The following ATP8A1 variants were observed in gnomAD, a reference collection of about 807,000 sequenced individuals.
ATP8A1 encodes ATPase phospholipid transporting 8A1, also known as phospholipid-transporting ATPase IA.
ATP8A1 carries 90 observed loss-of-function variants against 177.7 expected under a neutral mutation model. The observed-to-expected ratio is 0.51, with a 90% confidence interval of 0.43 to 0.60. The LOEUF is 0.60. Among genes scored for constraint, ATP8A1 ranks in the 20% least tolerant of loss-of-function variants. The probability of loss-of-function intolerance (pLI) is 0.00; values close to 1 mark genes in which losing one functional copy is unlikely to be tolerated. For missense variants in ATP8A1, 1,072 were observed against 1,392.8 expected (o/e 0.77, Z 3.67); for synonymous variants, 493 against 485.9 (o/e 1.01, Z -0.19).
intron 16 of ATP8A1, among the ~76,000 whole-genome samples, chr4:42,553,666 A>C (rs1312204427): frequency 1.3e-5 from 2 of 152,206 alleles, no homozygotes; most frequent in African/African-American, 4.8e-5. Flanking sequence ...ATATATCAGA[A>C]CATTATTTGA....
chr4:42,541,783 T>C (rs140953495), intron 20 of ATP8A1, among the ~76,000 whole-genome samples: 207 of 152,264 alleles, frequency 1.4e-3, no homozygotes, highest in African/African-American at 4.7e-3. Context: ...CTATATACCA[T>C]ATCATTCTAA....
At chr4:42,416,164 C>T (rs1468096570) in intron 35 of ATP8A1, among the ~76,000 whole-genome samples, 2 of 152,176 alleles carry the variant, frequency 1.3e-5, no homozygotes, top group African/African-American at 4.8e-5. Flanking sequence ...GCATTACAGA[C>T]CCATGGACCC....
chr4:42,466,031 CAAAAAAAAAAAAAAAA>C (rs57949092), intron 25 of ATP8A1, among the ~76,000 whole-genome samples: 2 of 108,116 alleles, frequency 1.8e-5, no homozygotes. Flanking sequence ...GACTCCGTCT[CAAAAAAAAAAAAAAAA>C]AAAAAAAAAA....
intron 24 of ATP8A1, among the ~76,000 whole-genome samples, chr4:42,491,155 G>T (rs1722701050): frequency 6.6e-6 from 1 of 151,896 alleles, no homozygotes; most frequent in African/African-American, 2.4e-5. Flanking sequence ...ATCTACTTTG[G>T]CCTCAAATAT....
At chr4:42,641,107 T>G (rs1739938999) in intron 1 of ATP8A1, among the ~76,000 whole-genome samples, 2 of 151,792 alleles carry the variant, frequency 1.3e-5, no homozygotes, top group Admixed American at 1.3e-4. Context: ...GGGTGCAGAC[T>G]GCCTGGGTTC....
At position 42,449,170 on chromosome 4, in the gene ATP8A1, A is replaced by G. The variant is rs912604154; in HGVS notation, c.2897-2526T>C. 5.3e-5 allele frequency among the ~76,000 whole-genome samples: 8 copies of G among 152,336 alleles called. No individual in the cohort carries two copies. In the South Asian group the frequency reaches 1.4e-3, roughly 28 times the overall value. ...CTTTGAATGGATCTTTTACCCATGC[A>G]TGATTCTGCAGTCTCTGGTTCAATC... On this transcript the variant is annotated intron_variant, in intron 30 of 36. Coordinates refer to ENST00000381668, the MANE Select transcript of ATP8A1 (RefSeq NM_006095.2).
At chr4:42,493,420 C>T (rs1722928033) in intron 24 of ATP8A1, among the ~76,000 whole-genome samples, 1 of 152,168 alleles carries the variant, frequency 6.6e-6, no homozygotes, top group Non-Finnish European at 1.5e-5. Context: ...GTTTCAACCA[C>T]TTACTTAAGA....
chr4:42,466,630 C>A (rs1263690337), intron 25 of ATP8A1, among the ~76,000 whole-genome samples: 1 of 152,204 alleles, frequency 6.6e-6, no homozygotes, highest in African/African-American at 2.4e-5. Context: ...TACGAAAAAA[C>A]CATTTTTAAT....
chr4:42,515,829 C>T (rs928394028), intron 22 of ATP8A1, among the ~76,000 whole-genome samples: 1 of 152,178 alleles, frequency 6.6e-6, no homozygotes, highest in African/African-American at 2.4e-5. Flanking sequence ...TCTTTCCAAC[C>T]CATGATTTTC....
At chr4:42,581,174 C>T (rs960682624) in intron 10 of ATP8A1, among the ~76,000 whole-genome samples, 3 of 151,916 alleles carry the variant, frequency 2.0e-5, no homozygotes, top group Non-Finnish European at 2.9e-5. Context: ...TGCTCTGTTG[C>T]CCAGGCTGGA....
chr4:42,627,480 C>A (rs1738232281), intron 1 of ATP8A1, among the ~76,000 whole-genome samples: 1 of 152,144 alleles, frequency 6.6e-6, no homozygotes, highest in Admixed American at 6.5e-5. Context: ...AAAATATAGT[C>A]AAAAATTAAA....
intron 1 of ATP8A1, among the ~76,000 whole-genome samples, chr4:42,640,829 T>C (rs1739901203): frequency 6.6e-6 from 1 of 152,080 alleles, no homozygotes; most frequent in African/African-American, 2.4e-5. Flanking sequence ...ATGGAGCACC[T>C]GACCAGCCAG....
At chr4:42,430,603 A>G (rs917875139) in intron 33 of ATP8A1, among the ~76,000 whole-genome samples, 4 of 150,724 alleles carry the variant, frequency 2.7e-5, no homozygotes, top group Non-Finnish European at 4.4e-5. Flanking sequence ...GAGCTTAGAT[A>G]TTTTCCCTGA....
intron 19 of ATP8A1, among the ~76,000 whole-genome samples, chr4:42,544,606 C>T (rs1487863670): frequency 6.6e-6 from 1 of 152,160 alleles, no homozygotes. Context: ...GTCAAATGTA[C>T]ATCTTTCAAT....
At chr4:42,624,669 G>A in intron 3 of ATP8A1, 35 bp from the exon 4 acceptor site, 1 of 1,152,978 alleles carries the variant, frequency 8.7e-7, no homozygotes, top group Non-Finnish European at 1.2e-6. Flanking sequence ...GAAATCCAAT[G>A]AGAACTAGAA....
chr4:42,430,283 G>A (rs1715123983), intron 33 of ATP8A1, among the ~76,000 whole-genome samples: 1 of 149,604 alleles, frequency 6.7e-6, no homozygotes, highest in Admixed American at 6.7e-5. Context: ...GCCTGCTAGG[G>A]GTCCCCTGGC....
chr4:42,554,314 G>A (rs1234421090), intron 16 of ATP8A1, among the ~76,000 whole-genome samples: 1 of 152,112 alleles, frequency 6.6e-6, no homozygotes, highest in Admixed American at 6.5e-5. Flanking sequence ...TGCCAACAAG[G>A]ACTTGGTGAC....
At chr4:42,511,879 G>T (rs773521838) in intron 22 of ATP8A1, among the ~76,000 whole-genome samples, 2 of 151,920 alleles carry the variant, frequency 1.3e-5, no homozygotes, top group African/African-American at 2.4e-5. Flanking sequence ...AATCAAACTC[G>T]TATCAACCTA....
intron 22 of ATP8A1, among the ~76,000 whole-genome samples, chr4:42,508,728 G>A (rs1010831165): frequency 7.9e-5 from 12 of 152,250 alleles, no homozygotes; most frequent in African/African-American, 2.9e-4. Flanking sequence ...CATGATCCTC[G>A]TCAGCATTTA....
Sources: gnomAD v4.1 joint callset for allele counts (sites outside exome capture counted in the v4.1 genomes callset) on GRCh38, gnomAD v4.1.1 for gene constraint, MANE v1.5 for transcripts, NCBI Gene and HGNC (gene_info 2026-07-23, HGNC 2026-07-21) for gene names.